MBP: variants seen among roughly 807,000 people sequenced by gnomAD.
The protein encoded by MBP is Golli-MBP.
Under a neutral mutation model 35.8 loss-of-function variants are expected in MBP, and 16 were observed. The ratio of observed to expected loss-of-function variants is 0.45; its 90% CI spans 0.30 to 0.68. MBP has a LOEUF of 0.68. MBP is among the 30% of genes least tolerant of loss of function. MBP has a pLI of 0.08. For synonymous variants in MBP, 143 were observed against 159.6 expected, an observed-to-expected ratio of 0.90 and a Z score of 0.78; for missense variants, 380 against 404.7, an observed-to-expected ratio of 0.94 and a Z score of 0.52.
At chr18:77,024,658 G>A (rs1284844765) in intron 3 of MBP, among the ~76,000 whole-genome samples, 1 of 152,200 alleles carries the variant, frequency 6.6e-6, no homozygotes, top group Non-Finnish European at 1.5e-5. Context: ...ACGGAGAATC[G>A]GCCGTCGTGG....
intron 1 of MBP, among the ~76,000 whole-genome samples, chr18:77,123,562 A>G (rs1159960739): frequency 2.6e-5 from 4 of 152,202 alleles, no homozygotes; most frequent in Non-Finnish European, 4.4e-5. Context: ...ATCCTAAGTT[A>G]ACCCGGAGCT....
rs1046246023 is a variant in MBP, at chr18:77,102,370, G to A, written c.51+2841C>T. On this transcript the variant is annotated intron_variant, in intron 2 of 8. Transcript: ENST00000355994. This position sits in a 1 kb window ranked among gnomAD's most constrained non-coding sequence, Gnocchi z 4.4. ...AAATGTGCAGAGTGGTAGGTGACAC[G>A]GCTGGAGCTCATGTCACGTTTTCTT... 7.2e-5 allele frequency among the ~76,000 whole-genome samples: 11 copies of A among 152,162 alleles called. No individual in the cohort carries two copies. Among genetic ancestry groups the A allele is most frequent in the Admixed American group, 2.6e-4 (4 of 15,284 alleles).
At chr18:77,037,150 A>C (rs1274401430) in intron 3 of MBP, among the ~76,000 whole-genome samples, 1 of 95,132 alleles carries the variant, frequency 1.1e-5, no homozygotes, top group African/African-American at 4.2e-5. Flanking sequence ...GCAAGTGCTG[A>C]TCACATTTTG....
chr18:77,035,264 C>T (rs937388178), intron 3 of MBP, among the ~76,000 whole-genome samples: 88 of 152,166 alleles, frequency 5.8e-4, no homozygotes, highest in African/African-American at 2.0e-3. Context: ...ACCTGTGTCC[C>T]GGGACGTACA....
At chr18:77,019,481 G>GA (rs11455414) in intron 3 of MBP, among the ~76,000 whole-genome samples, 60,460 of 151,922 alleles carry the variant, frequency 0.4, 12,115 homozygotes, top group Middle Eastern at 0.44. Flanking sequence ...AAGCACTTCT[G>GA]GCACCACCAG....
chr18:77,008,385 C>T (rs1431549489), intron 4 of MBP, among the ~76,000 whole-genome samples: 2 of 152,152 alleles, frequency 1.3e-5, no homozygotes, highest in African/African-American at 4.8e-5. Context: ...TCAGAAACTA[C>T]CTGCGGGTAG....
intron 4 of MBP, chr18:77,012,693 G>T: frequency 1.4e-6 from 1 of 734,876 alleles, no homozygotes; most frequent in Non-Finnish European, 1.7e-6. Context: ...TGTGTCACCA[G>T]GCCACAAAAA....
chr18:76,984,861 C>T lies in MBP; in HGVS notation c.784G>A (p.Gly262Arg), dbSNP rs759020235. 4 of 1,613,852 alleles carry T rather than the reference C, an allele frequency of 2.5e-6. No homozygotes were observed. The highest frequency in any genetic ancestry group is 2.2e-5 in the South Asian group (2 of 91,066). The change falls in exon 8 of 9, where the codon GGA becomes AGA. Residue 262 changes from glycine (G) to arginine (R), a missense_variant. Gly to Arg is a moderately radical substitution (Grantham distance 125, BLOSUM62 -2). Coordinates refer to ENST00000355994, the MANE Select transcript of MBP (RefSeq NM_001025101.2). ...AEGQRPGFGYGGRASDYKSAH... is the reference protein window; with the variant it reads ...AEGQRPGFGYRGRASDYKSAH... ...GATTTATAGTCGGACGCTCTGCCTC[C>T]GTAGCCAAATCCTGGTCTCTGGCCT...
rs117247139 is a variant in MBP, at chr18:77,033,678, T to C, written c.140-16410A>G. ...ACCCATGTATCTACTCATCCATCCA[T>C]ATATCAATTTATCCATCTATCCACC... On this transcript the variant is annotated intron_variant, in intron 3 of 8. Transcript: ENST00000355994. 1.8e-3 allele frequency among the ~76,000 whole-genome samples: 277 copies of C among 151,984 alleles called. 3 individuals are homozygous for C. Among genetic ancestry groups the C allele is most frequent in the East Asian group, 0.013 (65 of 5,146 alleles).
At chr18:77,075,451 C>T (rs1277523503) in intron 2 of MBP, among the ~76,000 whole-genome samples, 3 of 152,210 alleles carry the variant, frequency 2.0e-5, no homozygotes, top group African/African-American at 7.2e-5. Context: ...GTCCAGACGG[C>T]AGCGAGAAGG....
chr18:77,074,267 A>G (rs557659), intron 2 of MBP, among the ~76,000 whole-genome samples: 60,832 of 151,796 alleles, frequency 0.4, 13,111 homozygotes, highest in South Asian at 0.56. Context: ...GTCAGAAGAC[A>G]ATGGGTTCAG....
intron 3 of MBP, among the ~76,000 whole-genome samples, chr18:77,043,260 C>A (rs1431745485): frequency 6.6e-6 from 1 of 151,850 alleles, no homozygotes; most frequent in South Asian, 2.1e-4. Flanking sequence ...CCTTTTTTTG[C>A]GTGAACCTTG....
intron 4 of MBP, chr18:76,990,833 C>G: frequency 3.9e-6 from 1 of 254,132 alleles, no homozygotes; most frequent in Non-Finnish European, 8.1e-6. Flanking sequence ...ACACCTGGGG[C>G]AGCTACGGGC....
intron 4 of MBP, among the ~76,000 whole-genome samples, chr18:77,010,710 A>G (rs143800540): frequency 6.6e-6 from 1 of 152,372 alleles, no homozygotes; most frequent in African/African-American, 2.4e-5. Context: ...CTCTGCGGCT[A>G]CAAATCTTCC....
chr18:77,100,517 G>A (rs1185463564), intron 2 of MBP, among the ~76,000 whole-genome samples: 2 of 13,562 alleles, frequency 1.5e-4, no homozygotes, highest in East Asian at 2.6e-3. Flanking sequence ...GGGTGTGTGT[G>A]TGTGTGTGTG....
intron 3 of MBP, among the ~76,000 whole-genome samples, chr18:77,063,342 TG>T (rs2144783845): frequency 6.6e-6 from 1 of 152,228 alleles, no homozygotes; most frequent in South Asian, 2.1e-4. Context: ...CGGCATCACT[TG>T]GGATTGTTGC....
upstream of MBP, among the ~76,000 whole-genome samples, chr18:77,133,103 C>T (rs2145294033): frequency 6.6e-6 from 1 of 152,240 alleles, no homozygotes; most frequent in Non-Finnish European, 1.5e-5. Context: ...ACCCCGACCC[C>T]GACCTCGACC....
chr18:76,987,865 T>C (rs1969647851), intron 7 of MBP: 1 of 1,041,740 alleles, frequency 9.6e-7, no homozygotes, highest in African/African-American at 1.7e-5. Flanking sequence ...AAAGTTCAAA[T>C]TGGCCATTTT....
At chr18:77,062,011 C>T (rs1224181505) in intron 3 of MBP, among the ~76,000 whole-genome samples, 2 of 152,204 alleles carry the variant, frequency 1.3e-5, no homozygotes, top group African/African-American at 2.4e-5. Context: ...GACGTTTTCA[C>T]GGTAGGACAT....
Sources: allele counts gnomAD v4.1 joint callset (sites outside exome capture counted in the v4.1 genomes callset), GRCh38; gene constraint gnomAD v4.1.1; non-coding constraint Gnocchi (gnomAD v3.1); transcripts MANE v1.5; gene names NCBI Gene and HGNC (gene_info 2026-07-23, HGNC 2026-07-21).